Variants in SYT16 observed in about 807,000 individuals in gnomAD.
SYT16 encodes synaptotagmin-16.
In SYT16, 42 loss-of-function variants were observed where a neutral mutation model predicts 61.4. That is an observed-to-expected ratio of 0.68 (90% CI 0.53 to 0.89). SYT16 has a LOEUF of 0.89. SYT16 is among the 40% of genes least tolerant of loss of function. The probability of loss-of-function intolerance (pLI) is 0.00; values close to 1 mark genes in which losing one functional copy is unlikely to be tolerated. For synonymous variants in SYT16, 314 were observed against 302.3 expected (o/e 1.04, Z -0.40); for missense variants, 804 against 807.3 (o/e 1.00, Z 0.05).
intron 3 of SYT16, among the ~76,000 whole-genome samples, chr14:62,058,428 G>A (rs1015234325): frequency 3.3e-5 from 5 of 149,856 alleles, no homozygotes; most frequent in Middle Eastern, 6.8e-3. Flanking sequence ...TGCAATCTCG[G>A]CTCACTGCAA....
chr14:61,935,827 A>C (rs770177819), intron 1 of SYT16, among the ~76,000 whole-genome samples: 9 of 152,176 alleles, frequency 5.9e-5, no homozygotes, highest in Admixed American at 3.9e-4. Context: ...GTATTTTAGA[A>C]ATCATTAAAT....
At chr14:61,823,967 A>G (rs2045695666) in intron 1 of SYT16, among the ~76,000 whole-genome samples, 1 of 152,252 alleles carries the variant, frequency 6.6e-6, no homozygotes, top group Non-Finnish European at 1.5e-5. Flanking sequence ...TCTGAACACT[A>G]TTTGTAATCA....
In SYT16 at chr14:61,826,472, A is replaced by G. The variant is rs115551335; in HGVS notation, c.-325+13662A>G. ...ATTTTCTTTACAGATGAAGATTCCA[A>G]TTTCCTGTCTCTGTCTCTCTCCCTG... is the stretch of plus-strand genomic sequence containing the variant. On this transcript the variant is annotated intron_variant, in intron 1 of 7. Transcript: ENST00000683842. Among the ~76,000 whole-genome samples the G allele has an allele frequency of 2.4e-3, 358 of 152,046 alleles. 6 individuals are homozygous for G. Among genetic ancestry groups the G allele is most frequent in the African/African-American group, 7.8e-3 (322 of 41,342 alleles).
At position 61,938,872 on chromosome 14, in the gene SYT16, C is replaced by T. The variant is rs147832830; in HGVS notation, c.-324-31260C>T. 3.5e-3 allele frequency among the ~76,000 whole-genome samples: 534 copies of T among 152,292 alleles called. 11 individuals are homozygous for T. Among genetic ancestry groups the T allele is most frequent in the Admixed American group, 0.02 (303 of 15,292 alleles). On this transcript the variant is annotated intron_variant, in intron 1 of 7. Coordinates refer to ENST00000683842, the MANE Select transcript of SYT16 (RefSeq NM_001367656.1). Reference sequence around the variant, plus strand: ...ACATGAGGCTGGGTGCGGTGGCTCACGCCTGTAATTCCAGCACTTTGGGAG... The same window carrying T: ...ACATGAGGCTGGGTGCGGTGGCTCATGCCTGTAATTCCAGCACTTTGGGAG...
At chr14:61,863,088 T>G (rs766627666) in intron 1 of SYT16, among the ~76,000 whole-genome samples, 47 of 152,232 alleles carry the variant, frequency 3.1e-4, no homozygotes, top group Non-Finnish European at 2.2e-4. Context: ...AACATTCATG[T>G]GCAGTTTTTT....
intron 2 of SYT16, among the ~76,000 whole-genome samples, chr14:61,974,092 C>T (rs1032763803): frequency 7.2e-5 from 11 of 152,042 alleles, no homozygotes; most frequent in African/African-American, 1.4e-4. Flanking sequence ...CTGGTGGTGC[C>T]GGAGGGAGAG....
At chr14:61,991,265 T>C (rs1371958465) in intron 2 of SYT16, among the ~76,000 whole-genome samples, 1 of 152,004 alleles carries the variant, frequency 6.6e-6, no homozygotes, top group Non-Finnish European at 1.5e-5. Flanking sequence ...TTCTCAGATA[T>C]GACAAGACCT....
chr14:62,069,982 G>T (rs2056235983), intron 4 of SYT16, among the ~76,000 whole-genome samples, 167 bp downstream of exon 4: 1 of 152,226 alleles, frequency 6.6e-6, no homozygotes, highest in Non-Finnish European at 1.5e-5. Flanking sequence ...CTCCCAAGGG[G>T]ACTGCCATGC....
intron 1 of SYT16, among the ~76,000 whole-genome samples, chr14:61,965,507 T>A (rs1478481423): frequency 6.6e-6 from 1 of 152,152 alleles, no homozygotes; most frequent in Non-Finnish European, 1.5e-5. Context: ...TTGAACTTAT[T>A]TCTAGTGTTC....
chr14:61,878,116 A>G (rs1422582708), intron 1 of SYT16, among the ~76,000 whole-genome samples: 1 of 152,234 alleles, frequency 6.6e-6, no homozygotes, highest in African/African-American at 2.4e-5. Flanking sequence ...AGAGTATTAC[A>G]GTACGCAGAG....
At chr14:62,047,138 C>T (rs556652438) in intron 3 of SYT16, among the ~76,000 whole-genome samples, 299 of 152,270 alleles carry the variant, frequency 2.0e-3, no homozygotes, top group African/African-American at 6.7e-3. Flanking sequence ...ATTGTATCCT[C>T]TTTTATTTCA....
intron 3 of SYT16, among the ~76,000 whole-genome samples, chr14:62,041,356 CTT>C (rs1287108174): frequency 6.6e-6 from 1 of 152,162 alleles, no homozygotes. Flanking sequence ...AGTGTTCACT[CTT>C]TGTGTTCTGT....
intron 1 of SYT16, among the ~76,000 whole-genome samples, chr14:61,935,280 G>C (rs2049933773): frequency 6.6e-6 from 1 of 152,148 alleles, no homozygotes; most frequent in Admixed American, 6.5e-5. Context: ...GCCGACAGTG[G>C]CTCCCATTAA....
At chr14:62,084,919 A>C (rs1437538409) in intron 7 of SYT16, among the ~76,000 whole-genome samples, 10 of 152,356 alleles carry the variant, frequency 6.6e-5, no homozygotes, top group African/African-American at 2.4e-4. Context: ...AGCATTTAGT[A>C]CCATGCCTAT....
At chr14:62,040,452 A>C (rs991872650) in intron 3 of SYT16, among the ~76,000 whole-genome samples, 1 of 152,236 alleles carries the variant, frequency 6.6e-6, no homozygotes, top group East Asian at 1.9e-4. Flanking sequence ...TTTCAGGTGC[A>C]TACATCCAGA....
At chr14:61,955,031 G>T (rs967698480) in intron 1 of SYT16, among the ~76,000 whole-genome samples, 1 of 151,846 alleles carries the variant, frequency 6.6e-6, no homozygotes, top group African/African-American at 2.4e-5. Flanking sequence ...TGTTTTCAAG[G>T]TTCACCCATA....
intron 1 of SYT16, among the ~76,000 whole-genome samples, chr14:61,968,110 AATT>A (rs2051391611): frequency 6.6e-6 from 1 of 152,080 alleles, no homozygotes. Flanking sequence ...AAAATACCAA[AATT>A]AGCTGGGTAT....
At chr14:61,837,368 G>C (rs2046164351) in intron 1 of SYT16, among the ~76,000 whole-genome samples, 1 of 150,866 alleles carries the variant, frequency 6.6e-6, no homozygotes, top group Non-Finnish European at 1.5e-5. Context: ...TCCCTAAGTA[G>C]CTGGGACTAC....
At chr14:61,973,859 G>C (rs1029880053) in intron 2 of SYT16, among the ~76,000 whole-genome samples, 3 of 152,168 alleles carry the variant, frequency 2.0e-5, no homozygotes, top group Non-Finnish European at 4.4e-5. Context: ...AGTGGTGAAA[G>C]GAAAGAGGTT....
Sources: gnomAD v4.1 joint callset for allele counts (sites outside exome capture counted in the v4.1 genomes callset) on GRCh38, gnomAD v4.1.1 for gene constraint, MANE v1.5 for transcripts, NCBI Gene and HGNC (gene_info 2026-07-23, HGNC 2026-07-21) for gene names.